CALN1: variants seen among roughly 807,000 people sequenced by gnomAD.
CALN1 encodes calneuron 1, also known as calcium-binding protein 8.
Under a neutral mutation model 30.6 loss-of-function variants are expected in CALN1, and 17 were observed. That is an observed-to-expected ratio of 0.56 (90% CI 0.38 to 0.83). The LOEUF (loss-of-function observed/expected upper bound fraction) is 0.83. CALN1 is among the 40% of genes least tolerant of loss of function. CALN1 has a pLI of 0.00. For synonymous variants in CALN1, 156 were observed against 131.4 expected (o/e 1.19, Z -1.28); for missense variants, 291 against 354.9 (o/e 0.82, Z 1.45).
chr7:72,241,740 T>C (rs1246363032), intron 3 of CALN1, among the ~76,000 whole-genome samples: 1 of 151,396 alleles, frequency 6.6e-6, no homozygotes, highest in African/African-American at 2.4e-5. Flanking sequence ...ATATATCTGA[T>C]GCAACACACT....
intron 5 of CALN1, among the ~76,000 whole-genome samples, chr7:71,875,795 G>A (rs1792209998): frequency 6.6e-6 from 1 of 152,168 alleles, no homozygotes; most frequent in African/African-American, 2.4e-5. Flanking sequence ...ACTCCATATT[G>A]GTCTGTGTTA....
chr7:72,258,597 A>T (rs1796075916), intron 3 of CALN1, among the ~76,000 whole-genome samples: 1 of 152,218 alleles, frequency 6.6e-6, no homozygotes, highest in Non-Finnish European at 1.5e-5. Context: ...AAACTAGGGG[A>T]CTAAGCATGG....
At chr7:72,159,734 G>T (rs1787965471) in intron 3 of CALN1, among the ~76,000 whole-genome samples, 1 of 152,146 alleles carries the variant, frequency 6.6e-6, no homozygotes, top group South Asian at 2.1e-4. Context: ...GGAGGCAAAG[G>T]TTGCAGTGAA....
chr7:72,175,142 C>T (rs1426490916), intron 3 of CALN1, among the ~76,000 whole-genome samples: 2 of 151,690 alleles, frequency 1.3e-5, no homozygotes, highest in Non-Finnish European at 1.5e-5. Context: ...GGCGCAATCT[C>T]GGCTCACTGC....
chr7:71,838,662 G>A (rs891984943), intron 5 of CALN1, among the ~76,000 whole-genome samples: 5 of 152,212 alleles, frequency 3.3e-5, no homozygotes, highest in African/African-American at 1.2e-4. Flanking sequence ...TGTTGTGGGA[G>A]GAGCCCAGTG....
At chr7:71,994,556 G>T (rs535248970) in intron 5 of CALN1, among the ~76,000 whole-genome samples, 34 of 150,072 alleles carry the variant, frequency 2.3e-4, no homozygotes, top group South Asian at 8.4e-4. Flanking sequence ...AATTGAAGTG[G>T]TGTTATTCAT....
intron 3 of CALN1, among the ~76,000 whole-genome samples, chr7:72,118,194 C>G (rs1349465447): frequency 1.3e-5 from 2 of 152,162 alleles, no homozygotes; most frequent in Non-Finnish European, 2.9e-5. Context: ...CCCTAGCTAT[C>G]ATTCTTAAAG....
chr7:71,985,986 G>A (rs972851806), intron 5 of CALN1, among the ~76,000 whole-genome samples: 1 of 152,030 alleles, frequency 6.6e-6, no homozygotes, highest in African/African-American at 2.4e-5. Flanking sequence ...ATTGATGATG[G>A]TATAATGAAA....
chr7:71,810,981 G>A (rs1053827362), intron 5 of CALN1, among the ~76,000 whole-genome samples: 5 of 147,474 alleles, frequency 3.4e-5, no homozygotes, highest in East Asian at 2.0e-4. Flanking sequence ...CTGCAACCTC[G>A]CCTCCCGAGT....
At chr7:72,500,368 C>T in the CALN1 span, among the ~76,000 whole-genome samples, 1 of 144,294 alleles carries the variant, frequency 6.9e-6, no homozygotes, top group Non-Finnish European at 1.5e-5. Flanking sequence ...ACAACCTCCG[C>T]CTCCCGGGTT....
rs189615012 is a variant in CALN1, at chr7:72,320,868, G to C, written c.120-42058C>G. ...AAAAAAAAAAAAAAAGAATCACAGA[G>C]GCAGCCTAACCTAGCAGGTTAAGAG... On this transcript the variant is annotated intron_variant, in intron 2 of 6. Transcript: ENST00000395275. Among the ~76,000 whole-genome samples the C allele has an allele frequency of 2.5e-3, 371 of 150,890 alleles. 3 individuals carry two copies. The highest frequency in any genetic ancestry group is 0.022 in the Admixed American group (335 of 15,062).
intron 2 of CALN1, among the ~76,000 whole-genome samples, chr7:72,341,383 C>T (rs1451853449): frequency 6.6e-6 from 1 of 152,140 alleles, no homozygotes. Flanking sequence ...ATTAGCTAGG[C>T]ATGGTGGTGG....
At chr7:72,413,171 A>ATG (rs1807284685), upstream of CALN1, among the ~76,000 whole-genome samples, 1 of 151,920 alleles carries the variant, frequency 6.6e-6, no homozygotes, top group African/African-American at 2.4e-5. Context: ...ATACACTCAT[A>ATG]TGTACACACT....
In CALN1 at chr7:71,987,966, G is replaced by T. The variant is rs539885413; in HGVS notation, c.501+35691C>A. ...CGGGTCCAGGGACACAGACTGGAGAGCAGTGGGGGAAGGGAGGCCGTGTCA... is the reference window on the plus strand; with the variant it reads ...CGGGTCCAGGGACACAGACTGGAGATCAGTGGGGGAAGGGAGGCCGTGTCA... On this transcript the variant is annotated intron_variant, in intron 5 of 6. Transcript: ENST00000395275. 5.9e-5 allele frequency among the ~76,000 whole-genome samples: 9 copies of T among 152,312 alleles called. No homozygotes were observed. In the East Asian group the frequency reaches 1.7e-3, roughly 29 times the overall value.
chr7:72,171,147 G>A (rs1330692213), intron 3 of CALN1, among the ~76,000 whole-genome samples: 1 of 152,070 alleles, frequency 6.6e-6, no homozygotes, highest in African/African-American at 2.4e-5. Context: ...GACAGAGTGA[G>A]AGTCAGTCTC....
intron 2 of CALN1, among the ~76,000 whole-genome samples, chr7:72,299,235 T>G (rs1799079265): frequency 6.6e-6 from 1 of 152,100 alleles, no homozygotes; most frequent in African/African-American, 2.4e-5. Context: ...AACCCTTACA[T>G]GCCCTCCCCT....
intron 4 of CALN1, among the ~76,000 whole-genome samples, chr7:72,081,040 C>T (rs1008353408): frequency 2.0e-5 from 3 of 152,116 alleles, no homozygotes; most frequent in Non-Finnish European, 4.4e-5. Context: ...TAGCTGAGGA[C>T]AATGCACCCA....
At chr7:72,122,216 A>T (rs1808446121) in intron 3 of CALN1, among the ~76,000 whole-genome samples, 1 of 152,200 alleles carries the variant, frequency 6.6e-6, no homozygotes. Context: ...ATTTGTCATT[A>T]GATCACACTG....
intron 2 of CALN1, among the ~76,000 whole-genome samples, chr7:72,344,623 T>A (rs946261630): frequency 7.3e-5 from 10 of 137,374 alleles, no homozygotes; most frequent in African/African-American, 2.5e-4. Flanking sequence ...TATGTATATA[T>A]AAATTTAAAT....
Sources: allele counts gnomAD v4.1 joint callset (sites outside exome capture counted in the v4.1 genomes callset), GRCh38; gene constraint gnomAD v4.1.1; transcripts MANE v1.5; gene names NCBI Gene and HGNC (gene_info 2026-07-23, HGNC 2026-07-21).